CCDC120: variants seen among roughly 807,000 people sequenced by gnomAD.
The protein encoded by CCDC120 is coiled-coil domain containing 120.
Under a neutral mutation model 37.6 loss-of-function variants are expected in CCDC120, and 16 were observed. The observed-to-expected ratio is 0.43, with a 90% confidence interval of 0.29 to 0.65. CCDC120 has a LOEUF of 0.65. CCDC120 is among the 30% of genes least tolerant of loss of function. CCDC120 has a pLI of 0.18. For missense variants in CCDC120, 650 were observed against 657.4 expected, an observed-to-expected ratio of 0.99 and a Z score of 0.12; for synonymous variants, 309 against 275.4, an observed-to-expected ratio of 1.12 and a Z score of -1.21.
chrX:49,066,960 C>G, intron 9 of CCDC120: 1 of 419,500 alleles, frequency 2.4e-6, no homozygotes, highest in East Asian at 3.9e-5. Context: ...AGGCCTCCCC[C>G]ACGCATTTCT....
chrX:49,058,744 A>T (rs1313272996), upstream of CCDC120, among the ~76,000 whole-genome samples: 3 of 112,159 alleles, frequency 2.7e-5, no homozygotes, highest in Non-Finnish European at 5.6e-5. Context: ...TCTGGCCTTG[A>T]ACTCTTGGCT....
In CCDC120 at chrX:49,067,965, G is replaced by A. The variant is rs781803414; in HGVS notation, c.1851G>A (p.Val617=). The A allele has an allele frequency of 9.4e-5, 108 of 1,149,538 alleles. No homozygotes were observed. Among genetic ancestry groups the A allele is most frequent in the Non-Finnish European group, 2.8e-5 (24 of 862,783 alleles). 94.7% of individuals were successfully genotyped at this position (1,149,538 alleles called of 1,213,427 possible). A position where few individuals can be genotyped will look rare whatever the true frequency, so the allele number is the denominator to read the frequency against. The change falls in exon 10 of 11, where the codon GTG becomes GTA. Residue 617 remains valine (V), a synonymous_variant. Coordinates refer to ENST00000603986, the MANE Select transcript of CCDC120 (RefSeq NM_001163321.4). The part of the protein sequence containing the change: ...GPQRRPVLPS[V]GPPHPPFLHA... ...AGCGCCGGCCTGTGCTCCCTTCCGT[G>A]GGCCCGCCACACCCACCCTTCCTCC...
chrX:49,068,850 C>T lies in CCDC120; in HGVS notation c.*192C>T. Reference sequence around the variant, plus strand: ...ACCCTGCTTCTTCTCTCACACTGTGCTGGGGACTGGGGGCCCTCAGCTAGC... The same window carrying T: ...ACCCTGCTTCTTCTCTCACACTGTGTTGGGGACTGGGGGCCCTCAGCTAGC... On this transcript the variant is annotated 3_prime_UTR_variant, in exon 11 of 11. Coordinates refer to ENST00000603986, the MANE Select transcript of CCDC120 (RefSeq NM_001163321.4). The T allele has an allele frequency of 3.0e-6, 1 of 334,319 alleles. No individual in the cohort carries two copies. The highest frequency in any genetic ancestry group is 4.9e-6 in the Non-Finnish European group (1 of 205,862). 27.6% of individuals were successfully genotyped at this position (334,319 alleles called of 1,213,427 possible).
intron 1 of CCDC120, among the ~76,000 whole-genome samples, chrX:49,061,559 G>A (rs940201264): frequency 2.7e-5 from 3 of 112,437 alleles, no homozygotes; most frequent in Non-Finnish European, 5.6e-5. Context: ...TATAACTGTG[G>A]AAGTGATAAT....
At chrX:49,064,259 G>A (rs966201655) in intron 5 of CCDC120, 111 bp from the exon 6 acceptor site, 6 of 888,133 alleles carry the variant, frequency 6.8e-6, no homozygotes, top group South Asian at 2.6e-5. Flanking sequence ...CCCCCTCCCC[G>A]GGGTGAATAG....
Position 49,067,757 on chromosome X carries a change from C to G in CCDC120, c.1643C>G (p.Thr548Ser). ...GACCCCCACACCCGTGCCACCCGCA[C>G]TAAGCCCTGTGGCCTGCCCCCAGAG... ...TKDPHTRATR[T>S]KPCGLPPEAA... The change falls in exon 10 of 11, where the codon ACT (threonine) becomes AGT (serine). Residue 548 changes from threonine to serine, a missense_variant. Transcript: ENST00000603986. The G allele has an allele frequency of 8.3e-7, 1 of 1,198,072 alleles. No individual in the cohort carries two copies. Among genetic ancestry groups the G allele is most frequent in the Admixed American group, 2.2e-5 (1 of 45,465 alleles).
chrX:49,057,347 A>AC (rs1187615223), upstream of CCDC120, among the ~76,000 whole-genome samples: 3 of 112,154 alleles, frequency 2.7e-5, no homozygotes, highest in Non-Finnish European at 5.6e-5. Context: ...TGTCTCTGTA[A>AC]CCACCTTTTA....
Position 49,062,319 on chromosome X carries a change from G to A in CCDC120, c.148G>A (p.Ala50Thr). 8.3e-7 allele frequency: 1 copy of A among 1,207,820 alleles called. No individual in the cohort carries two copies. The highest frequency in any genetic ancestry group is 1.1e-6 in the Non-Finnish European group (1 of 893,018). ...GCTGATCAGCTCTCCTACCTTCAAT[G>A]CCCCAGGTCGGTGGCTGCTTCCCCT... ...GQLISSPTFNAPAALFGEAAP... is the reference protein window; with the variant it reads ...GQLISSPTFNTPAALFGEAAP... Residue 50 changes from alanine to threonine, a missense_variant, in exon 3 of 11, where the codon GCC (alanine) becomes ACC (threonine). Around this residue, in one of 3 missense-constraint regions of CCDC120, gnomAD observed 64 missense variants for 65.2 expected, o/e 0.98. Coordinates refer to ENST00000603986, the MANE Select transcript of CCDC120 (RefSeq NM_001163321.4).
Position 49,067,945 on chromosome X carries a change from C to G in CCDC120, c.1831C>G (p.Arg611Gly). 1 of 1,145,516 alleles carries G rather than the reference C, an allele frequency of 8.7e-7. No individual in the cohort carries two copies. The highest frequency in any genetic ancestry group is 1.2e-6 in the Non-Finnish European group (1 of 860,497). 94.4% of individuals were successfully genotyped at this position (1,145,516 alleles called of 1,213,427 possible). A position where few individuals can be genotyped will look rare whatever the true frequency, so the allele number is the denominator to read the frequency against. Residue 611 changes from arginine (R) to glycine (G), a missense_variant, in exon 10 of 11, where the codon CGG (arginine) becomes GGG (glycine). Arg to Gly is a moderately radical substitution (Grantham distance 125). Around this residue, in one of 3 missense-constraint regions of CCDC120, gnomAD observed 576 missense variants for 565.3 expected, o/e 1.02. Transcript: ENST00000603986. Reference protein sequence around the residue: ...NSGLAAGPQRRPVLPSVGPPH... With the variant: ...NSGLAAGPQRGPVLPSVGPPH... The stretch of plus-strand genomic sequence containing the variant: ...GGGACTGGCTGCGGGGCCCCAGCGC[C>G]GGCCTGTGCTCCCTTCCGTGGGCCC...
intron 4 of CCDC120, 94 bp downstream of exon 4, chrX:49,062,695 C>T: frequency 1.1e-6 from 1 of 916,586 alleles, no homozygotes; most frequent in Non-Finnish European, 1.5e-6. Context: ...GGCAATTCCT[C>T]AACCACTTGT....
chrX:49,064,483 G>C lies in CCDC120; in HGVS notation c.543G>C (p.Arg181=). The change falls in exon 6 of 11, where the codon CGG becomes CGC. Residue 181 remains arginine (R), a synonymous_variant. Transcript: ENST00000603986. The part of the protein sequence containing the change: ...PDLSTEQRRR[R]RQVQADALRR... ...TGAGCACCGAGCAGCGCCGGCGCCG[G>C]CGCCAGGTCCAGGCAGATGCACTGA... The C allele has an allele frequency of 1.7e-6, 2 of 1,183,704 alleles. No individual in the cohort carries two copies. Among genetic ancestry groups the C allele is most frequent in the Non-Finnish European group, 2.3e-6 (2 of 882,123 alleles).
intron 4 of CCDC120, 154 bp downstream of exon 4, chrX:49,062,755 G>A: frequency 1.7e-6 from 1 of 605,983 alleles, no homozygotes; most frequent in South Asian, 3.0e-5. Context: ...GCTCAGCTTA[G>A]ATGTGTTAGA....
At chrX:49,067,152 C>T (rs1557081409) in intron 9 of CCDC120, 24 bp from the exon 10 acceptor site, 1 of 1,194,948 alleles carries the variant, frequency 8.4e-7, no homozygotes, top group Non-Finnish European at 1.1e-6. Flanking sequence ...ACCCTATTCC[C>T]ATGACCCTCG....
exon 1 of CCDC120, chrX:49,053,677 C>A (rs2064813212): frequency 8.8e-6 from 1 of 113,093 alleles, no homozygotes; most frequent in Non-Finnish European, 1.9e-5. Context: ...CGGGCCGGCG[C>A]TCCCCTCCTA....
At chrX:49,060,787 G>A (rs2064878310) in intron 1 of CCDC120, among the ~76,000 whole-genome samples, 1 of 112,160 alleles carries the variant, frequency 8.9e-6, no homozygotes, top group South Asian at 3.7e-4. Context: ...TATGGGGCAG[G>A]CAGGAGGACT....
At chrX:49,065,277 G>GCCTCA (rs2064939603) in intron 7 of CCDC120, among the ~76,000 whole-genome samples, 177 bp from the exon 8 acceptor site, 1 of 110,941 alleles carries the variant, frequency 9.0e-6, no homozygotes, top group South Asian at 3.7e-4. Flanking sequence ...CATCTTCTTA[G>GCCTCA]CCTCACCCCA....
rs1181392645 is a variant in CCDC120, at chrX:49,068,073, G to A, written c.1959G>A (p.Ala653=). Residue 653 remains alanine, a synonymous_variant, in exon 10 of 11, where the codon GCG becomes GCA. Coordinates refer to ENST00000603986, the MANE Select transcript of CCDC120 (RefSeq NM_001163321.4). Reference sequence around the variant, plus strand: ...TCCCACACTCGAGGAGTTTCACGGCGCCCCCTGTCTCTGGCAGGTATGGGG... The same window carrying A: ...TCCCACACTCGAGGAGTTTCACGGCACCCCCTGTCTCTGGCAGGTATGGGG... The part of the protein sequence containing the change: ...APLPHSRSFT[A]PPVSGRYYAD... 36 of 1,165,258 alleles carry A rather than the reference G, an allele frequency of 3.1e-5. No homozygotes were observed. Among genetic ancestry groups the A allele is most frequent in the African/African-American group, 2.0e-4 (11 of 56,030 alleles).
rs1268596193 is a variant in CCDC120 at position 49,069,075 on chromosome X, C to T, written c.*417C>T. The T allele has an allele frequency of 1.7e-5, 2 of 117,115 alleles. No homozygotes were observed. Among genetic ancestry groups the T allele is most frequent in the African/African-American group, 3.2e-5 (1 of 31,311 alleles). 9.7% of individuals were successfully genotyped at this position (117,115 alleles called of 1,213,427 possible). ...CAGGAACCCCCTCCATAAAATGGAC[C>T]ATATCGGGTCTCAGGGCCATTTAGG... On this transcript the variant is annotated 3_prime_UTR_variant, in exon 11 of 11. Coordinates refer to ENST00000603986, the MANE Select transcript of CCDC120 (RefSeq NM_001163321.4).
chrX:49,063,955 C>G lies in CCDC120; in HGVS notation c.383C>G (p.Pro128Arg). Residue 128 changes from proline (P) to arginine (R), a missense_variant, in exon 5 of 11, where the codon CCT becomes CGT. Pro to Arg is a moderately radical substitution (Grantham distance 103). Coordinates refer to ENST00000603986, the MANE Select transcript of CCDC120 (RefSeq NM_001163321.4). ...CGGCCCCCCACAGCCCGCGCCTACC[C>G]TCCACCGCACCCCAACCAAGCACAC... is the stretch of plus-strand genomic sequence containing the variant. ...RRRPPTARAY[P>R]PPHPNQAHHS... The G allele has an allele frequency of 1.7e-6, 2 of 1,208,290 alleles. No individual in the cohort carries two copies. Among genetic ancestry groups the G allele is most frequent in the East Asian group, 3.0e-5 (1 of 33,650 alleles).
Sources: gnomAD v4.1 joint callset for allele counts (sites outside exome capture counted in the v4.1 genomes callset) on GRCh38, gnomAD v4.1.1 for gene constraint, gnomAD v4.1.1 regional missense constraint, MANE v1.5 for transcripts, NCBI Gene and HGNC (gene_info 2026-07-23, HGNC 2026-07-21) for gene names.